Variants in METTL8 observed in about 807,000 individuals in gnomAD.
METTL8 encodes the protein tRNA N(3)-cytidine methyltransferase METTL8, mitochondrial.
Under a neutral mutation model 48.7 loss-of-function variants are expected in METTL8, and 32 were observed. That is an observed-to-expected ratio of 0.66 (90% CI 0.50 to 0.88). The LOEUF (loss-of-function observed/expected upper bound fraction) is 0.88. METTL8 is among the 40% of genes least tolerant of loss of function. METTL8 has a pLI of 0.00. For synonymous variants in METTL8, 136 were observed against 157.1 expected, an observed-to-expected ratio of 0.87 and a Z score of 1.01; for missense variants, 464 against 474.4, an observed-to-expected ratio of 0.98 and a Z score of 0.20.
intron 2 of METTL8, among the ~76,000 whole-genome samples, chr2:171,382,805 G>A (rs1687694714): frequency 6.6e-6 from 1 of 152,120 alleles, no homozygotes; most frequent in East Asian, 1.9e-4. Context: ...AGACGCGGTG[G>A]CTCACGCCTG....
intron 1 of METTL8, among the ~76,000 whole-genome samples, chr2:171,418,260 T>C (rs771240879): frequency 6.6e-6 from 1 of 152,132 alleles, no homozygotes; most frequent in African/African-American, 2.4e-5. Context: ...CATATCTTCT[T>C]AGGCTCCTAT....
chr2:171,356,359 G>C (rs553314615), intron 3 of METTL8, among the ~76,000 whole-genome samples: 1 of 152,240 alleles, frequency 6.6e-6, no homozygotes, highest in East Asian at 1.9e-4. Flanking sequence ...GGCTGGTCTT[G>C]AACTCCTGAC....
At chr2:171,414,943 A>G (rs1330665441) in intron 1 of METTL8, among the ~76,000 whole-genome samples, 1 of 152,126 alleles carries the variant, frequency 6.6e-6, no homozygotes, top group Admixed American at 6.5e-5. Flanking sequence ...ATGGTTTTAT[A>G]AGGGGAAACC....
At chr2:171,426,651 C>T (rs190568948) in intron 1 of METTL8, among the ~76,000 whole-genome samples, 17 of 152,230 alleles carry the variant, frequency 1.1e-4, no homozygotes, top group Admixed American at 5.2e-4. Context: ...CTGAAAACTT[C>T]GTATATGCAT....
At chr2:171,338,597 G>A (rs569906554) in intron 4 of METTL8, among the ~76,000 whole-genome samples, 4 of 148,604 alleles carry the variant, frequency 2.7e-5, no homozygotes, top group African/African-American at 5.0e-5. Context: ...CTGAGATGGC[G>A]CCACTATACT....
intron 2 of METTL8, among the ~76,000 whole-genome samples, chr2:171,371,951 A>G (rs1196317150): frequency 6.6e-6 from 1 of 151,632 alleles, no homozygotes. Flanking sequence ...GGCCTCCCAT[A>G]CTGCTGGGAT....
intron 1 of METTL8, among the ~76,000 whole-genome samples, chr2:171,408,288 G>GTT (rs1216637352): frequency 1.1e-4 from 15 of 136,342 alleles, no homozygotes; most frequent in Non-Finnish European, 1.5e-4. Flanking sequence ...GAATTCTACA[G>GTT]TTTTTTTGTT....
At chr2:171,330,389 T>C (rs1219618764) in intron 7 of METTL8, among the ~76,000 whole-genome samples, 170 bp downstream of exon 7, 2 of 152,170 alleles carry the variant, frequency 1.3e-5, no homozygotes, top group Non-Finnish European at 2.9e-5. Flanking sequence ...CCAGTTTCTG[T>C]CTAAAAGTAC....
chr2:171,325,868 C>T lies in METTL8; in HGVS notation c.1006G>A (p.Gly336Ser). 6.3e-7 allele frequency: 1 copy of T among 1,599,172 alleles called. No individual in the cohort carries two copies. Among genetic ancestry groups the T allele is most frequent in the Non-Finnish European group, 8.5e-7 (1 of 1,170,498 alleles). ...TTTGTAAAGAAATATGCTCTGGTAC[C>T]ATCTCCTCGAACATAAAAATTTTCA... ...LSENFYVRGD[G>S]TRAYFFTKGE... The change falls in exon 9 of 10, where the codon GGT (glycine) becomes AGT (serine). Residue 336 changes from glycine (G) to serine (S), a missense_variant. Gly to Ser is a moderately conservative substitution (Grantham distance 56). Transcript: ENST00000375258.
At chr2:171,356,953 T>TGTTTTGTTTTG (rs1553514755) in intron 3 of METTL8, among the ~76,000 whole-genome samples, 1 of 14,076 alleles carries the variant, frequency 7.1e-5, no homozygotes, top group African/African-American at 1.9e-4. Flanking sequence ...AAAGACAATA[T>TGTTTTGTTTTG]TTTTTTTTTT....
intron 2 of METTL8, among the ~76,000 whole-genome samples, chr2:171,384,280 G>C (rs1687838296): frequency 6.6e-6 from 1 of 152,186 alleles, no homozygotes. Context: ...GGCTGAGGCA[G>C]GTGGATCACT....
intron 1 of METTL8, among the ~76,000 whole-genome samples, chr2:171,401,201 T>C (rs1422848988): frequency 6.6e-6 from 1 of 152,160 alleles, no homozygotes. Flanking sequence ...AATTAAGCGC[T>C]ACTGTTGTAC....
At chr2:171,334,007 T>A (rs1434809732) in intron 5 of METTL8, among the ~76,000 whole-genome samples, 1 of 152,176 alleles carries the variant, frequency 6.6e-6, no homozygotes, top group Non-Finnish European at 1.5e-5. Flanking sequence ...ATTATTATCA[T>A]CACTATTATT....
rs1175012667 is a variant in METTL8, at chr2:171,339,213, C to T, written c.577G>A (p.Gly193Ser). ...KGPMETGLFP[G>S]SNATFRILEV... is the part of the protein sequence containing the mutation. ...AGTATCCTGAAAGTGGCATTGCTAC[C>T]AGGAAACAATCCAGTCTCCATAGGT... Residue 193 changes from glycine (G) to serine (S), a missense_variant, in exon 4 of 10, where the codon GGT becomes AGT. Coordinates refer to ENST00000375258, the MANE Select transcript of METTL8 (RefSeq NM_001321154.2). The T allele has an allele frequency of 6.4e-7, 1 of 1,553,088 alleles. No homozygotes were observed. Among genetic ancestry groups the T allele is most frequent in the Non-Finnish European group, 8.7e-7 (1 of 1,148,682 alleles).
At chr2:171,431,995 G>A (rs995016501) in intron 1 of METTL8, among the ~76,000 whole-genome samples, 17 of 152,188 alleles carry the variant, frequency 1.1e-4, no homozygotes, top group African/African-American at 2.4e-4. Flanking sequence ...CTCCTGTGCC[G>A]GCACTTGGAG....
Position 171,339,480 on chromosome 2 carries a change from G to C in METTL8, c.310C>G (p.Arg104Gly), listed in dbSNP as rs780873428. Residue 104 changes from arginine (R) to glycine (G), a missense_variant, in exon 4 of 10, where the codon CGT becomes GGT. By Grantham distance (125) the Arg-to-Gly change is moderately radical. Transcript: ENST00000375258. Reference sequence around the variant, plus strand: ...GGAAATTCCCTCAACAGCCAATTACGATCCTTGAAAAACTTATTCTTATGA... The same window carrying C: ...GGAAATTCCCTCAACAGCCAATTACCATCCTTGAAAAACTTATTCTTATGA... ...KIHKNKFFKDRNWLLREFPEI... is the reference protein window; with the variant it reads ...KIHKNKFFKDGNWLLREFPEI... 3 of 1,612,862 alleles carry C rather than the reference G, an allele frequency of 1.9e-6. No homozygotes were observed. Among genetic ancestry groups the C allele is most frequent in the Non-Finnish European group, 1.7e-6 (2 of 1,179,324 alleles).
chr2:171,329,173 T>C (rs1422680294), intron 7 of METTL8, among the ~76,000 whole-genome samples: 1 of 151,424 alleles, frequency 6.6e-6, no homozygotes, highest in Non-Finnish European at 1.5e-5. Context: ...GGTTTCACAG[T>C]AGAAACGAGG....
chr2:171,392,331 G>A (rs1023569514), intron 1 of METTL8, 134 bp from the exon 2 acceptor site: 6 of 646,150 alleles, frequency 9.3e-6, no homozygotes, highest in African/African-American at 5.5e-5. Context: ...AATGAAAGAT[G>A]AGCATAACAG....
At chr2:171,341,036 T>G (rs1203589527) in intron 3 of METTL8, among the ~76,000 whole-genome samples, 2 of 151,528 alleles carry the variant, frequency 1.3e-5, no homozygotes, top group Non-Finnish European at 2.9e-5. Context: ...CTCCTTAAAT[T>G]AATAAAGTAA....
Sources: allele counts gnomAD v4.1 joint callset (sites outside exome capture counted in the v4.1 genomes callset), GRCh38; gene constraint gnomAD v4.1.1; transcripts MANE v1.5; gene names NCBI Gene and HGNC (gene_info 2026-07-23, HGNC 2026-07-21).